FBN2: variants seen among roughly 807,000 people sequenced by gnomAD.
FBN2 encodes the protein fibrillin-2.
A neutral mutation model predicts 355.6 loss-of-function variants in FBN2; 105 were observed. The ratio of observed to expected loss-of-function variants is 0.30; its 90% CI spans 0.25 to 0.35. The LOEUF (loss-of-function observed/expected upper bound fraction) is 0.35, where lower values mean the gene tolerates loss of function less well. Ranked by LOEUF, FBN2 falls within the 10% of genes least tolerant of loss-of-function variation. The probability of loss-of-function intolerance (pLI) is 1.00; values close to 1 mark genes in which losing one functional copy is unlikely to be tolerated. For synonymous variants in FBN2, 1,350 were observed against 1,301.2 expected, an observed-to-expected ratio of 1.04 and a Z score of -0.81; for missense variants, 3,280 against 3,758.7, an observed-to-expected ratio of 0.87 and a Z score of 3.33.
intron 25 of FBN2, among the ~76,000 whole-genome samples, chr5:128,341,445 C>A (rs992716187): frequency 6.6e-6 from 1 of 152,150 alleles, no homozygotes; most frequent in African/African-American, 2.4e-5. Context: ...TCACCCAGGT[C>A]CCTCTTCAGG....
intron 62 of FBN2, 29 bp downstream of exon 62, chr5:128,271,970 C>T (rs1036988387): frequency 1.9e-6 from 3 of 1,613,090 alleles, no homozygotes; most frequent in East Asian, 2.2e-5. Context: ...GTGAGAAAAG[C>T]AAGTGCGATG....
chr5:128,271,318 G>A (rs188206887), intron 62 of FBN2, among the ~76,000 whole-genome samples: 1 of 152,040 alleles, frequency 6.6e-6, no homozygotes, highest in Non-Finnish European at 1.5e-5. Flanking sequence ...TCTGTGAAGC[G>A]CATTCAAAAG....
chr5:128,362,372 T>C (rs1002735061), intron 18 of FBN2, among the ~76,000 whole-genome samples: 3 of 152,218 alleles, frequency 2.0e-5, no homozygotes, highest in Non-Finnish European at 4.4e-5. Flanking sequence ...CAGTTATTAA[T>C]GAAAATGATG....
Position 128,361,835 on chromosome 5 carries a change from A to AC in FBN2, c.2441dup (p.Cys814TrpfsTer9), listed in dbSNP as rs1336075200. On this transcript the variant is annotated frameshift_variant, in exon 19 of 65. Transcript: ENST00000262464. LOFTEE classifies it high-confidence loss of function. Reference sequence around the variant, plus strand: ...TATCACAAAGCAGTCTGTTTACTAAACATTCATCAATGTCTGAAAGCAACG... The same window carrying AC: ...TATCACAAAGCAGTCTGTTTACTAAACCATTCATCAATGTCTGAAAGCAACG... 6.2e-7 allele frequency: 1 copy of AC among 1,614,096 alleles called. No individual in the cohort carries two copies. Among genetic ancestry groups the AC allele is most frequent in the South Asian group, 1.1e-5 (1 of 91,076 alleles).
chr5:128,509,208 C>T (rs962187184), intron 5 of FBN2, among the ~76,000 whole-genome samples: 1 of 152,112 alleles, frequency 6.6e-6, no homozygotes, highest in Non-Finnish European at 1.5e-5. Flanking sequence ...ATTTTGCTAA[C>T]TCTAAATATA....
intron 6 of FBN2, 56 bp from the exon 7 acceptor site, chr5:128,446,662 CTTT>C: frequency 1.9e-6 from 3 of 1,570,962 alleles, no homozygotes; most frequent in Non-Finnish European, 2.6e-6. Flanking sequence ...AATATCTATA[CTTT>C]TTTTTACTAT....
intron 7 of FBN2, among the ~76,000 whole-genome samples, chr5:128,427,075 A>G (rs1165767398): frequency 6.6e-6 from 1 of 152,138 alleles, no homozygotes; most frequent in African/African-American, 2.4e-5. Flanking sequence ...CATATATGCA[A>G]TTAGAAATAT....
chr5:128,324,888 G>A (rs774862866), intron 34 of FBN2, among the ~76,000 whole-genome samples: 1 of 152,166 alleles, frequency 6.6e-6, no homozygotes, highest in Non-Finnish European at 1.5e-5. Flanking sequence ...CAAAGTGTTA[G>A]GATTACAGGC....
intron 14 of FBN2, among the ~76,000 whole-genome samples, chr5:128,375,555 CTT>C (rs1403214529): frequency 6.6e-6 from 1 of 152,132 alleles, no homozygotes; most frequent in African/African-American, 2.4e-5. Flanking sequence ...AAATTTGTTT[CTT>C]ACTCAGAAAC....
At chr5:128,311,792 T>G (rs771057304) in intron 38 of FBN2, 93 bp downstream of exon 38, 6 of 863,012 alleles carry the variant, frequency 7.0e-6, no homozygotes, top group Non-Finnish European at 1.2e-5. Context: ...AATTATCTTG[T>G]CGGGGCTGCT....
intron 38 of FBN2, 104 bp from the exon 39 acceptor site, chr5:128,311,529 T>C: frequency 1.6e-6 from 2 of 1,222,318 alleles, no homozygotes; most frequent in South Asian, 1.3e-5. Context: ...CAGATTTCTA[T>C]GCATCCAAAT....
chr5:128,467,020 C>T (rs930733879), intron 5 of FBN2, among the ~76,000 whole-genome samples: 3 of 152,102 alleles, frequency 2.0e-5, no homozygotes, highest in African/African-American at 7.2e-5. Flanking sequence ...GTTTTTAGGT[C>T]AATGTGTGAA....
rs769350165 is a variant in FBN2 at position 128,288,572 on chromosome 5, T to G, written c.6638-15A>C. 1.9e-6 allele frequency: 3 copies of G among 1,612,374 alleles called. No homozygotes were observed. In the East Asian group the frequency reaches 6.7e-5, roughly 36 times the overall value. On this transcript the variant is annotated splice_polypyrimidine_tract_variant and intron_variant, in intron 52 of 64. Transcript: ENST00000262464. Reference sequence around the variant, plus strand: ...CTCATCAGTATCTGAAAAAGAAGAATAAGAAACTGCCACAAAGATGTTTTA... The same window carrying G: ...CTCATCAGTATCTGAAAAAGAAGAAGAAGAAACTGCCACAAAGATGTTTTA...
chr5:128,389,637 G>A (rs1228051261), intron 11 of FBN2, among the ~76,000 whole-genome samples: 1 of 152,152 alleles, frequency 6.6e-6, no homozygotes, highest in Non-Finnish European at 1.5e-5. Flanking sequence ...AAACCCTCTG[G>A]GCTCTGCACA....
At chr5:128,476,910 G>A (rs985409634) in intron 5 of FBN2, among the ~76,000 whole-genome samples, 4 of 152,182 alleles carry the variant, frequency 2.6e-5, no homozygotes, top group Admixed American at 2.0e-4. Context: ...CACAGTCTAT[G>A]CATAGAAAGC....
chr5:128,449,319 T>A (rs1333459767), intron 6 of FBN2, among the ~76,000 whole-genome samples: 1 of 147,184 alleles, frequency 6.8e-6, no homozygotes, highest in Non-Finnish European at 1.5e-5. Flanking sequence ...TTATACAGTA[T>A]ACTATATAGT....
chr5:128,281,529 A>T (rs1765544625), intron 55 of FBN2, among the ~76,000 whole-genome samples: 1 of 152,192 alleles, frequency 6.6e-6, no homozygotes, highest in African/African-American at 2.4e-5. Context: ...TGTTGATGTT[A>T]TCTAGAAGTT....
At chr5:128,376,441 C>A (rs1752079497) in intron 14 of FBN2, among the ~76,000 whole-genome samples, 1 of 152,120 alleles carries the variant, frequency 6.6e-6, no homozygotes, top group Non-Finnish European at 1.5e-5. Flanking sequence ...TTCAGCCAAG[C>A]AGTTGAGAGA....
At chr5:128,412,151 A>G (rs571497472) in intron 7 of FBN2, among the ~76,000 whole-genome samples, 3 of 152,160 alleles carry the variant, frequency 2.0e-5, no homozygotes, top group African/African-American at 7.2e-5. Flanking sequence ...TATCAGAAAA[A>G]CTGATTTAAA....
Sources: gnomAD v4.1 joint callset for allele counts (sites outside exome capture counted in the v4.1 genomes callset) on GRCh38, gnomAD v4.1.1 for gene constraint, MANE v1.5 for transcripts, NCBI Gene and HGNC (gene_info 2026-07-23, HGNC 2026-07-21) for gene names.